Variants in CYLD observed in about 807,000 individuals in gnomAD.
CYLD encodes ubiquitin carboxyl-terminal hydrolase CYLD.
A neutral mutation model predicts 104.5 loss-of-function variants in CYLD; 26 were observed. The observed-to-expected ratio is 0.25, with a 90% CI of 0.18 to 0.35. The LOEUF is 0.35. CYLD is among the 10% of genes least tolerant of loss of function. The pLI is 1.00. For synonymous variants in CYLD, 385 were observed against 399.9 expected (o/e 0.96, Z 0.45); for missense variants, 703 against 1,136.1 (o/e 0.62, Z 5.48).
chr16:50,776,046 T>C (rs2150981676), intron 6 of CYLD, 133 bp from the exon 7 acceptor site: 1 of 699,894 alleles, frequency 1.4e-6, no homozygotes, highest in East Asian at 2.6e-5. Context: ...TGATGGCCTT[T>C]AAAAGGCATT....
rs1188089976 is a variant in CYLD at position 50,800,657 on chromosome 16, A to G, written c.*4149A>G. Reference sequence around the variant, plus strand: ...AATTCTAAGGCAAAGTTAAAGAAAAAAATTACATTATTTCTTACCATTTGC... The same window carrying G: ...AATTCTAAGGCAAAGTTAAAGAAAAGAATTACATTATTTCTTACCATTTGC... On this transcript the variant is annotated 3_prime_UTR_variant, in exon 19 of 19. Coordinates refer to ENST00000427738, the MANE Select transcript of CYLD (RefSeq NM_001378743.1). 8 of 232,628 alleles carry G rather than the reference A, an allele frequency of 3.4e-5. No homozygotes were observed. In the East Asian group the frequency reaches 4.9e-4, roughly 14 times the overall value. The allele number at this position is 232,628 out of a possible 1,614,324, so 14.4% of individuals were successfully genotyped here.
chr16:50,782,554 G>C, intron 11 of CYLD, 88 bp downstream of exon 11: 2 of 1,412,110 alleles, frequency 1.4e-6, no homozygotes, highest in South Asian at 2.4e-5. Context: ...GTGTGAGTGT[G>C]TGTGAAAGAA....
chr16:50,761,974 A>G (rs962049221), intron 5 of CYLD, among the ~76,000 whole-genome samples: 1 of 152,156 alleles, frequency 6.6e-6, no homozygotes, highest in East Asian at 1.9e-4. Flanking sequence ...TGGACTTTCT[A>G]TTCTGTCTTC....
chr16:50,784,217 A>G, intron 11 of CYLD, 112 bp from the exon 12 acceptor site: 2 of 1,182,276 alleles, frequency 1.7e-6, no homozygotes, highest in Non-Finnish European at 2.5e-6. Context: ...ACAAATTGTT[A>G]TGTTATTTGT....
chr16:50,754,278 T>A, intron 4 of CYLD, 41 bp from the exon 5 acceptor site: 1 of 1,293,944 alleles, frequency 7.7e-7, no homozygotes, highest in Non-Finnish European at 1.1e-6. Context: ...ACATTTACAT[T>A]TCATTGAGGA....
chr16:50,773,402 A>T (rs1221243966), intron 5 of CYLD, among the ~76,000 whole-genome samples: 1 of 152,150 alleles, frequency 6.6e-6, no homozygotes, highest in African/African-American at 2.4e-5. Context: ...TGCTGAACAC[A>T]ATGTCCATGT....
intron 2 of CYLD, among the ~76,000 whole-genome samples, chr16:50,743,274 T>C (rs982532286): frequency 6.6e-6 from 1 of 152,174 alleles, no homozygotes; most frequent in African/African-American, 2.4e-5. Flanking sequence ...ATTGTTGGCT[T>C]TCTACACACC....
At chr16:50,768,830 C>T (rs1189464391) in intron 5 of CYLD, among the ~76,000 whole-genome samples, 1 of 152,174 alleles carries the variant, frequency 6.6e-6, no homozygotes, top group African/African-American at 2.4e-5. Flanking sequence ...ATATCCATCA[C>T]CCCAAAATAT....
rs1340241566 is a variant in CYLD, at chr16:50,751,778, C to A, written c.679C>A (p.Leu227Ile). 1 of 1,613,734 alleles carries A rather than the reference C, an allele frequency of 6.2e-7. No individual in the cohort carries two copies. The highest frequency in any genetic ancestry group is 8.5e-7 in the Non-Finnish European group (1 of 1,179,818). The change falls in exon 4 of 19, where the codon CTT becomes ATT. Residue 227 changes from leucine (L) to isoleucine (I), a missense_variant. Physicochemically the swap from Leu to Ile is conservative, Grantham distance 5. This residue lies in a region of CYLD where 123 missense variants were observed against 213.3 expected (regional missense o/e 0.58). Coordinates refer to ENST00000427738, the MANE Select transcript of CYLD (RefSeq NM_001378743.1). ...AGPGDTMQVE[L>I]PPLEINSRVS... ...TCCTGGGGACACAATGCAGGTCGAA[C>A]TTCCTCCTTTGGAAATAAACTCCAG...
At chr16:50,750,238 T>C (rs751990532) in intron 3 of CYLD, 36 bp downstream of exon 3, 3 of 1,611,020 alleles carry the variant, frequency 1.9e-6, no homozygotes, top group Non-Finnish European at 2.5e-6. Flanking sequence ...GTGTGTTTGT[T>C]TGTGTTCATG....
At chr16:50,771,241 T>G (rs1170667576) in intron 5 of CYLD, among the ~76,000 whole-genome samples, 4 of 152,212 alleles carry the variant, frequency 2.6e-5, no homozygotes, top group African/African-American at 9.7e-5. Flanking sequence ...TTCTGGACAT[T>G]TCACATAAAT....
Position 50,749,798 on chromosome 16 carries a change from C to G in CYLD, c.100C>G (p.Gln34Glu), listed in dbSNP as rs538206791. The change falls in exon 3 of 19, where the codon CAA becomes GAA. Residue 34 changes from glutamine (Q) to glutamate (E), a missense_variant. Gln to Glu is a conservative substitution (Grantham distance 29). Transcript: ENST00000427738. ...TCAAGAATGCAGCGTTACAGACAAA[C>G]AAACACAAAAGCTCCTTAAAGTACC... Reference protein sequence around the residue: ...LLQECSVTDKQTQKLLKVPKG... With the variant: ...LLQECSVTDKETQKLLKVPKG... The G allele has an allele frequency of 3.7e-6, 6 of 1,613,956 alleles. No individual in the cohort carries two copies. The highest frequency in any genetic ancestry group is 5.1e-6 in the Non-Finnish European group (6 of 1,179,970).
At chr16:50,777,723 AAC>A (rs1182165760) in intron 7 of CYLD, 100 bp from the exon 8 acceptor site, 7 of 718,306 alleles carry the variant, frequency 9.7e-6, no homozygotes, top group African/African-American at 1.8e-5. Context: ...TGGTTATGTA[AAC>A]AGTTATTAAC....
At chr16:50,743,258 C>T (rs1965874250) in intron 2 of CYLD, among the ~76,000 whole-genome samples, 1 of 152,108 alleles carries the variant, frequency 6.6e-6, no homozygotes, top group Non-Finnish European at 1.5e-5. Flanking sequence ...AGAGGGTGTT[C>T]GTTTGATTGT....
chr16:50,765,613 C>T lies in CYLD; in HGVS notation c.914-9553C>T, dbSNP rs184437607. 4.5e-3 allele frequency among the ~76,000 whole-genome samples: 683 copies of T among 152,142 alleles called. 2 individuals carry two copies. The highest frequency in any genetic ancestry group is 0.016 in the African/African-American group (651 of 41,486). ...TTAGTGAGGAAGGTATGTTGAAAACCGAGAGAGACTGAAAACTAGGCCTCT... is the reference window on the plus strand; with the variant it reads ...TTAGTGAGGAAGGTATGTTGAAAACTGAGAGAGACTGAAAACTAGGCCTCT... On this transcript the variant is annotated intron_variant, in intron 5 of 18. Transcript: ENST00000427738.
rs903593207 is a variant in CYLD at position 50,798,309 on chromosome 16, A to ATT, written c.*1808_*1809dup. ...CAACCAACTGCAAATGGAAAATACG[A>ATT]TTTTTTTTAAAAAAAGGATGGTTAC... On this transcript the variant is annotated 3_prime_UTR_variant, in exon 19 of 19. Coordinates refer to ENST00000427738, the MANE Select transcript of CYLD (RefSeq NM_001378743.1). 1.7e-5 allele frequency: 4 copies of ATT among 231,556 alleles called. No individual in the cohort carries two copies. Among genetic ancestry groups the ATT allele is most frequent in the African/African-American group, 8.8e-5 (4 of 45,314 alleles). 14.3% of individuals were successfully genotyped at this position (231,556 alleles called of 1,614,324 possible).
rs149427272 is a variant in CYLD at position 50,779,715 on chromosome 16, C to T, written c.1189C>T (p.Arg397Cys). Residue 397 changes from arginine to cysteine, a missense_variant, in exon 9 of 19, where the codon CGT (arginine) becomes TGT (cysteine). Physicochemically the swap from Arg to Cys is radical, Grantham distance 180. Transcript: ENST00000427738. ...SLTEISTDFD[R>C]SSPPLQPPPV... Reference sequence around the variant, plus strand: ...TACAGAGATATCTACAGACTTTGACCGTTCTTCACCACCACTCCAGCCTCC... The same window carrying T: ...TACAGAGATATCTACAGACTTTGACTGTTCTTCACCACCACTCCAGCCTCC... 3.5e-5 allele frequency: 57 copies of T among 1,613,816 alleles called. No homozygotes were observed. The Middle Eastern group carries it at 6.6e-4, about 19-fold the overall frequency.
At chr16:50,777,731 T>C (rs968529552) in intron 7 of CYLD, 94 bp from the exon 8 acceptor site, 18 of 744,584 alleles carry the variant, frequency 2.4e-5, no homozygotes, top group African/African-American at 5.3e-5. Flanking sequence ...TAAACAGTTA[T>C]TAACATCATA....
At chr16:50,751,952 T>TTA (rs748884735) in intron 4 of CYLD, 46 bp downstream of exon 4, 30 of 818,688 alleles carry the variant, frequency 3.7e-5, no homozygotes, top group African/African-American at 1.6e-4. Flanking sequence ...ATATATTAGT[T>TTA]TATATATATA....
Sources: allele counts gnomAD v4.1 joint callset (sites outside exome capture counted in the v4.1 genomes callset), GRCh38; gene constraint gnomAD v4.1.1; regional missense constraint gnomAD v4.1.1; transcripts MANE v1.5; gene names NCBI Gene and HGNC (gene_info 2026-07-23, HGNC 2026-07-21).